Variants in JAKMIP2 observed in about 807,000 individuals in gnomAD.
JAKMIP2 encodes the protein janus kinase and microtubule-interacting protein 2.
Under a neutral mutation model 115.0 loss-of-function variants are expected in JAKMIP2, and 25 were observed. The observed-to-expected ratio is 0.22, with a 90% CI of 0.16 to 0.30. JAKMIP2 has a LOEUF of 0.30. Among genes scored for constraint, JAKMIP2 ranks in the 10% least tolerant of loss-of-function variants. The probability of loss-of-function intolerance (pLI) is 1.00; values close to 1 mark genes in which losing one functional copy is unlikely to be tolerated. For synonymous variants in JAKMIP2, 334 were observed against 343.6 expected, an observed-to-expected ratio of 0.97 and a Z score of 0.31; for missense variants, 642 against 957.6, an observed-to-expected ratio of 0.67 and a Z score of 4.35.
chr5:147,716,866 A>G (rs1233605539), intron 1 of JAKMIP2, among the ~76,000 whole-genome samples: 2 of 142,526 alleles, frequency 1.4e-5, no homozygotes, highest in East Asian at 2.1e-4. Flanking sequence ...CCCATTTGTC[A>G]ATTTTGGCTT....
rs1323874996 is a variant in JAKMIP2 at position 147,708,666 on chromosome 5, C to T, written c.-148-36712G>A. Among the ~76,000 whole-genome samples the T allele has an allele frequency of 2.0e-5, 3 of 152,242 alleles. 1 individual carries two copies. The highest frequency in any genetic ancestry group is 2.1e-4 in the South Asian group (1 of 4,832). The stretch of plus-strand genomic sequence containing the variant: ...TTTCAATGTTCCTGAAATCGAGATG[C>T]TTTTTAAAATTGATGTATGTTTTTT... On this transcript the variant is annotated intron_variant, in intron 1 of 21. Coordinates refer to ENST00000616793, the MANE Select transcript of JAKMIP2 (RefSeq NM_001270941.2).
At chr5:147,640,575 GT>G (rs1757834657) in intron 9 of JAKMIP2, 128 bp downstream of exon 9, 3 of 882,386 alleles carry the variant, frequency 3.4e-6, no homozygotes, top group Non-Finnish European at 5.0e-6. Context: ...CCTCAAAATT[GT>G]TTACTATTAT....
intron 2 of JAKMIP2, among the ~76,000 whole-genome samples, chr5:147,669,108 T>C (rs1371126078): frequency 6.6e-6 from 1 of 152,186 alleles, no homozygotes; most frequent in African/African-American, 2.4e-5. Flanking sequence ...CCTGAGAGTA[T>C]AAATTCACAC....
intron 1 of JAKMIP2, among the ~76,000 whole-genome samples, chr5:147,729,992 T>C (rs150526255): frequency 7.2e-4 from 109 of 152,246 alleles, no homozygotes; most frequent in African/African-American, 2.4e-3. Flanking sequence ...CTCACTTTCC[T>C]ATCTGTAAAA....
chr5:147,730,256 C>T (rs6871771), intron 1 of JAKMIP2, among the ~76,000 whole-genome samples: 1 of 151,980 alleles, frequency 6.6e-6, no homozygotes, highest in Non-Finnish European at 1.5e-5. Flanking sequence ...GACAAAGATT[C>T]TTTGCCTGGC....
chr5:147,684,256 T>C (rs1345612649), intron 1 of JAKMIP2, among the ~76,000 whole-genome samples: 11 of 151,622 alleles, frequency 7.3e-5, no homozygotes, highest in Non-Finnish European at 2.9e-5. Context: ...TAATACAATA[T>C]GTATCTACCA....
In JAKMIP2 at chr5:147,644,820, C is replaced by G. The variant is rs199852951; in HGVS notation, c.1083+30G>C. 309 of 1,587,148 alleles carry G rather than the reference C, an allele frequency of 1.9e-4. 1 individual carries two copies. Among genetic ancestry groups the G allele is most frequent in the Non-Finnish European group, 1.2e-5 (14 of 1,166,722 alleles). On this transcript the variant is annotated intron_variant, in intron 6 of 21. Coordinates refer to ENST00000616793, the MANE Select transcript of JAKMIP2 (RefSeq NM_001270941.2). ...TATTAAGGTAATATAATCAAGGAAGCTGCAGTTTTGCAGAGTCTGTGATAC... is the reference window on the plus strand; with the variant it reads ...TATTAAGGTAATATAATCAAGGAAGGTGCAGTTTTGCAGAGTCTGTGATAC...
chr5:147,611,220 C>T (rs756225966), intron 20 of JAKMIP2, among the ~76,000 whole-genome samples: 3 of 152,142 alleles, frequency 2.0e-5, no homozygotes, highest in African/African-American at 7.2e-5. Context: ...ATTCCAGGTG[C>T]CACTGGGGTA....
intron 4 of JAKMIP2, among the ~76,000 whole-genome samples, chr5:147,648,962 A>C (rs1427420149): frequency 6.6e-6 from 1 of 152,174 alleles, no homozygotes; most frequent in African/African-American, 2.4e-5. Context: ...GAAAAAGGTC[A>C]AGGTGAGAAA....
At chr5:147,776,902 A>T (rs1055475838) in intron 1 of JAKMIP2, among the ~76,000 whole-genome samples, 2 of 152,166 alleles carry the variant, frequency 1.3e-5, no homozygotes, top group African/African-American at 2.4e-5. Context: ...CATTCCAGCC[A>T]GGGCAACAGA....
At chr5:147,666,143 T>C (rs563776595) in intron 2 of JAKMIP2, among the ~76,000 whole-genome samples, 25 of 152,302 alleles carry the variant, frequency 1.6e-4, no homozygotes, top group African/African-American at 5.8e-4. Context: ...TTTCTAGTTA[T>C]GGCTTCTTTT....
intron 20 of JAKMIP2, among the ~76,000 whole-genome samples, chr5:147,611,171 G>GT (rs1299120801): frequency 6.6e-6 from 1 of 152,178 alleles, no homozygotes; most frequent in African/African-American, 2.4e-5. Context: ...CTGGCTTCAG[G>GT]CCCCTTTCCA....
intron 1 of JAKMIP2, among the ~76,000 whole-genome samples, chr5:147,775,154 C>T (rs766732262): frequency 6.6e-6 from 1 of 152,152 alleles, no homozygotes; most frequent in African/African-American, 2.4e-5. Context: ...TCACTGTCCT[C>T]AGTGGTTCAA....
chr5:147,679,903 C>G (rs34216842), intron 1 of JAKMIP2, among the ~76,000 whole-genome samples: 16,756 of 151,908 alleles, frequency 0.11, 1,206 homozygotes, highest in Admixed American at 0.23. Flanking sequence ...ATAAAGAGAG[C>G]GATTTCATAC....
In JAKMIP2 at chr5:147,648,367, A is replaced by G. The variant is rs7735403; in HGVS notation, c.936+9T>C. The stretch of plus-strand genomic sequence containing the variant: ...AACAACATCAACAAAAATTTTTAGT[A>G]TATCTCACCAGTTCATTTCGTTCAT... On this transcript the variant is annotated intron_variant, in intron 5 of 21. Transcript: ENST00000616793. 278,912 of 1,516,780 alleles carry G rather than the reference A, an allele frequency of 0.18. 31,989 individuals carry two copies. Among genetic ancestry groups the G allele is most frequent in the East Asian group, 0.46 (20,491 of 44,266 alleles). 94.0% of individuals were successfully genotyped at this position (1,516,780 alleles called of 1,614,324 possible).
At chr5:147,725,037 C>T (rs746530069) in intron 1 of JAKMIP2, among the ~76,000 whole-genome samples, 2 of 152,130 alleles carry the variant, frequency 1.3e-5, no homozygotes, top group African/African-American at 2.4e-5. Context: ...GGTAAAGAAG[C>T]TGGCCCAAAC....
At chr5:147,605,024 G>T (rs1432301692) in intron 20 of JAKMIP2, among the ~76,000 whole-genome samples, 1 of 151,046 alleles carries the variant, frequency 6.6e-6, no homozygotes, top group East Asian at 2.0e-4. Context: ...CCCAACCTGT[G>T]CCCGTATGTT....
intron 1 of JAKMIP2, among the ~76,000 whole-genome samples, chr5:147,733,449 G>A (rs1382656210): frequency 6.6e-6 from 1 of 152,064 alleles, no homozygotes; most frequent in Non-Finnish European, 1.5e-5. Context: ...TTTGGAGAAA[G>A]CAATTTTTAA....
In JAKMIP2 at chr5:147,588,500, T is replaced by G. The variant is rs941430268; in HGVS notation, c.*3207A>C. 6.6e-6 allele frequency: 1 copy of G among 151,838 alleles called. No homozygotes were observed. Among genetic ancestry groups the G allele is most frequent in the Non-Finnish European group, 1.5e-5 (1 of 67,998 alleles). The allele number at this position is 151,838 out of a possible 1,614,324, so 9.4% of individuals were successfully genotyped here. On this transcript the variant is annotated 3_prime_UTR_variant, in exon 22 of 22. Transcript: ENST00000616793. ...CCATTTCCATGGATCCATGAGTGACTGGAACACATATCCACAATTTTGCTG... is the reference window on the plus strand; with the variant it reads ...CCATTTCCATGGATCCATGAGTGACGGGAACACATATCCACAATTTTGCTG...
Sources: allele counts gnomAD v4.1 joint callset (sites outside exome capture counted in the v4.1 genomes callset), GRCh38; gene constraint gnomAD v4.1.1; transcripts MANE v1.5; gene names NCBI Gene and HGNC (gene_info 2026-07-23, HGNC 2026-07-21).